The following STARD9 variants were observed in gnomAD, a reference collection of about 807,000 sequenced individuals.
STARD9 encodes the protein stAR-related lipid transfer protein 9.
A neutral mutation model predicts 399.8 loss-of-function variants in STARD9; 346 were observed. The ratio of observed to expected loss-of-function variants is 0.87; its 90% CI spans 0.79 to 0.95. The LOEUF (loss-of-function observed/expected upper bound fraction) is 0.95, where lower values mean the gene tolerates loss of function less well. STARD9 is among the 40% of genes least tolerant of loss of function. STARD9 has a pLI of 0.00. For synonymous variants in STARD9, 2,203 were observed against 2,143.5 expected, an observed-to-expected ratio of 1.03 and a Z score of -0.77; for missense variants, 5,832 against 5,667.5, an observed-to-expected ratio of 1.03 and a Z score of -0.93.
Position 42,690,621 on chromosome 15 carries a change from A to G in STARD9, c.9043A>G (p.Arg3015Gly), listed in dbSNP as rs3742995. Residue 3015 changes from arginine (R) to glycine (G), a missense_variant, in exon 23 of 33, where the codon AGG becomes GGG. By Grantham distance (125) the Arg-to-Gly change is moderately radical. Coordinates refer to ENST00000290607, the MANE Select transcript of STARD9 (RefSeq NM_020759.3). ...AATGGATGAGACAGGAGAGATCTCT[A>G]GGGGACCTGATGTGCACTTGACACA... Reference protein sequence around the residue: ...YEMDETGEISRGPDVHLTHGL... With the variant: ...YEMDETGEISGGPDVHLTHGL... 0.021 allele frequency: 32,054 copies of G among 1,537,168 alleles called. 1,346 individuals carry two copies. The highest frequency in any genetic ancestry group is 0.17 in the African/African-American group (12,714 of 73,100).
chr15:42,690,977 A>G lies in STARD9; in HGVS notation c.9399A>G (p.Glu3133=). The G allele has an allele frequency of 6.5e-7, 1 of 1,537,182 alleles. No homozygotes were observed. Among genetic ancestry groups the G allele is most frequent in the Non-Finnish European group, 8.7e-7 (1 of 1,146,892 alleles). Residue 3133 remains glutamate, a synonymous_variant, in exon 23 of 33, where the codon GAA becomes GAG. Coordinates refer to ENST00000290607, the MANE Select transcript of STARD9 (RefSeq NM_020759.3). ...QNAQVCQTNP[E]PPATTQGPHT... is the part of the protein sequence containing the mutation. ...CACAGGTGTGTCAAACCAATCCAGA[A>G]CCACCTGCAACAACTCAGGGACCAC...
At chr15:42,716,093 TC>T in intron 26 of STARD9, among the ~76,000 whole-genome samples, 1 of 152,162 alleles carries the variant, frequency 6.6e-6, no homozygotes, top group South Asian at 2.1e-4. Context: ...GCCTGTGAGT[TC>T]CAGCAGAGGT....
chr15:42,606,039 G>A (rs550749591), intron 3 of STARD9, among the ~76,000 whole-genome samples: 42 of 152,316 alleles, frequency 2.8e-4, no homozygotes, highest in African/African-American at 8.9e-4. Context: ...TGGAAAAGTT[G>A]TACTTAATTT....
chr15:42,684,341 C>A lies in STARD9; in HGVS notation c.2763C>A (p.Cys921Ter). ...AGGGAGCCTCAGCTCCAGACGCTTG[C>A]CTCACCATGAGTCCCAACTCTGTTG... is the stretch of plus-strand genomic sequence containing the variant. ...ARKGASAPDA[C>*]LTMSPNSVGI... The change falls in exon 23 of 33, where the codon TGC becomes TGA. Residue 921 changes from cysteine (C) to a stop codon, truncating the protein, a stop_gained. Transcript: ENST00000290607. LOFTEE classifies it high-confidence loss of function. 1 of 1,536,312 alleles carries A rather than the reference C, an allele frequency of 6.5e-7. No homozygotes were observed. Among genetic ancestry groups the A allele is most frequent in the Non-Finnish European group, 8.7e-7 (1 of 1,146,332 alleles).
chr15:42,664,688 C>G (rs1400815101), intron 13 of STARD9, among the ~76,000 whole-genome samples: 1 of 151,904 alleles, frequency 6.6e-6, no homozygotes, highest in African/African-American at 2.4e-5. Flanking sequence ...TTTTTTTATG[C>G]AAGTAGTCTG....
chr15:42,684,916 C>T lies in STARD9; in HGVS notation c.3338C>T (p.Ser1113Leu). Residue 1113 changes from serine to leucine, a missense_variant, in exon 23 of 33, where the codon TCA becomes TTA. Physicochemically the swap from Ser to Leu is moderately radical, Grantham distance 145. This residue lies in a region of STARD9 where 5,828 missense variants were observed against 5,651.1 expected (regional missense o/e 1.03). Coordinates refer to ENST00000290607, the MANE Select transcript of STARD9 (RefSeq NM_020759.3). ...AGCAACTACTCATTGGATTCTCTCT[C>T]ATGTGTCTATGCCAAAGCCCTGATA... is the stretch of plus-strand genomic sequence containing the variant. Reference protein sequence around the residue: ...TDSNYSLDSLSCVYAKALIEP... With the variant: ...TDSNYSLDSLLCVYAKALIEP... 2 of 1,537,060 alleles carry T rather than the reference C, an allele frequency of 1.3e-6. No individual in the cohort carries two copies. The highest frequency in any genetic ancestry group is 1.7e-6 in the Non-Finnish European group (2 of 1,146,916).
intron 19 of STARD9, 55 bp from the exon 20 acceptor site, chr15:42,675,817 T>C (rs2060298977): frequency 6.5e-7 from 1 of 1,534,296 alleles, no homozygotes; most frequent in Non-Finnish European, 8.7e-7. Context: ...AAAGCCAAGC[T>C]GGGAGAGGTG....
chr15:42,575,822 C>T, intron 1 of STARD9, 60 bp downstream of exon 1: 1 of 1,485,822 alleles, frequency 6.7e-7, no homozygotes, highest in Non-Finnish European at 9.1e-7. Context: ...AGCGGGAGGT[C>T]CGCGTCTCCC....
At chr15:42,641,925 C>T (rs2141951941) in intron 7 of STARD9, among the ~76,000 whole-genome samples, 1 of 152,086 alleles carries the variant, frequency 6.6e-6, no homozygotes, top group African/African-American at 2.4e-5. Context: ...ATGAAGGAGC[C>T]ATGAGCTGAA....
intron 3 of STARD9, among the ~76,000 whole-genome samples, chr15:42,626,418 T>C (rs2059221994): frequency 6.6e-6 from 1 of 150,810 alleles, no homozygotes; most frequent in Non-Finnish European, 1.5e-5. Flanking sequence ...TTCCTCCTCC[T>C]CCTCCTCTTC....
rs181378780 is a variant in STARD9, at chr15:42,689,879, G to T, written c.8301G>T (p.Glu2767Asp). 522 of 1,537,562 alleles carry T rather than the reference G, an allele frequency of 3.4e-4. 4 individuals are homozygous for T. The East Asian group carries it at 0.011, about 32-fold the overall frequency. ...LHELSQSVPQ[E>D]TAEGIPPGSQ... Reference sequence around the variant, plus strand: ...AGCTAAGTCAGTCAGTTCCGCAGGAGACTGCAGAGGGCATACCCCCTGGCA... The same window carrying T: ...AGCTAAGTCAGTCAGTTCCGCAGGATACTGCAGAGGGCATACCCCCTGGCA... The change falls in exon 23 of 33, where the codon GAG (glutamate) becomes GAT (aspartate). Residue 2767 changes from glutamate (E) to aspartate (D), a missense_variant. Glu to Asp is a conservative substitution (Grantham distance 45, BLOSUM62 2). This residue lies in a region of STARD9 where 5,828 missense variants were observed against 5,651.1 expected (regional missense o/e 1.03). Transcript: ENST00000290607.
In STARD9 at chr15:42,717,711, T is replaced by A; in HGVS notation, c.13495-20T>A. ...TTTTTACTGTGCCTCCTAATTTGGG[T>A]GTGGCCATTGTGTCCCCAGGTAATG... On this transcript the variant is annotated intron_variant, in intron 28 of 32. Coordinates refer to ENST00000290607, the MANE Select transcript of STARD9 (RefSeq NM_020759.3). The A allele has an allele frequency of 6.5e-7, 1 of 1,536,644 alleles. No individual in the cohort carries two copies. The highest frequency in any genetic ancestry group is 1.7e-4 in the Middle Eastern group (1 of 5,986).
At position 42,674,764 on chromosome 15, in the gene STARD9, G is replaced by T. The variant is rs760584528; in HGVS notation, c.1550-63G>T. On this transcript the variant is annotated intron_variant, in intron 17 of 32. Transcript: ENST00000290607. The stretch of plus-strand genomic sequence containing the variant: ...ATTTTGGATTCTGATCTCACAGAAA[G>T]AAATGGAGAGGGTGTTTCCCTGCAT... 9.5e-4 allele frequency: 1,399 copies of T among 1,465,112 alleles called. 4 individuals carry two copies. Among genetic ancestry groups the T allele is most frequent in the Non-Finnish European group, 1.1e-3 (1,241 of 1,112,972 alleles). The allele number at this position is 1,465,112 out of a possible 1,614,324, so 90.8% of individuals were successfully genotyped here.
At chr15:42,711,768 G>A (rs2061228551) in intron 26 of STARD9, among the ~76,000 whole-genome samples, 1 of 151,728 alleles carries the variant, frequency 6.6e-6, no homozygotes, top group African/African-American at 2.4e-5. Context: ...GCCTACTAAT[G>A]AATATTGCTG....
chr15:42,627,656 GT>G (rs747393603), intron 3 of STARD9, among the ~76,000 whole-genome samples: 2 of 152,084 alleles, frequency 1.3e-5, no homozygotes, highest in Non-Finnish European at 2.9e-5. Context: ...ATGAGTTCAA[GT>G]GTTTTAATTT....
In STARD9 at chr15:42,688,833, C is replaced by T. The variant is rs987894299; in HGVS notation, c.7255C>T (p.His2419Tyr). 9 of 1,537,172 alleles carry T rather than the reference C, an allele frequency of 5.9e-6. No homozygotes were observed. The highest frequency in any genetic ancestry group is 1.4e-5 in the African/African-American group (1 of 73,014). Residue 2419 changes from histidine (H) to tyrosine (Y), a missense_variant, in exon 23 of 33, where the codon CAT (histidine) becomes TAT (tyrosine). Coordinates refer to ENST00000290607, the MANE Select transcript of STARD9 (RefSeq NM_020759.3). ...GSVRSMAMGS[H>Y]SQSGVPESIP... ...TGTGCGATCCATGGCCATGGGATCTCATAGTCAATCTGGTGTACCAGAGAG... is the reference window on the plus strand; with the variant it reads ...TGTGCGATCCATGGCCATGGGATCTTATAGTCAATCTGGTGTACCAGAGAG...
intron 3 of STARD9, among the ~76,000 whole-genome samples, chr15:42,591,409 A>C (rs2058390104): frequency 6.6e-6 from 1 of 151,828 alleles, no homozygotes; most frequent in Non-Finnish European, 1.5e-5. Flanking sequence ...AATTGCTTTA[A>C]CCCGGGAAGC....
chr15:42,635,362 C>A (rs898115839), intron 4 of STARD9, among the ~76,000 whole-genome samples: 1 of 151,878 alleles, frequency 6.6e-6, no homozygotes, highest in Admixed American at 6.6e-5. Flanking sequence ...CGCAGTCTTG[C>A]TCTGTCGCCG....
chr15:42,650,470 A>G (rs1188473492), intron 7 of STARD9, among the ~76,000 whole-genome samples: 1 of 152,066 alleles, frequency 6.6e-6, no homozygotes, highest in Non-Finnish European at 1.5e-5. Context: ...TTTAAGTCTC[A>G]CTTCTTCTGT....
Sources: allele counts gnomAD v4.1 joint callset (sites outside exome capture counted in the v4.1 genomes callset), GRCh38; gene constraint gnomAD v4.1.1; regional missense constraint gnomAD v4.1.1; transcripts MANE v1.5; gene names NCBI Gene and HGNC (gene_info 2026-07-23, HGNC 2026-07-21).